The following PPFIA2 variants were observed in gnomAD, a reference collection of about 807,000 sequenced individuals.
PPFIA2 encodes the protein PPFI scaffold protein A2, also known as liprin-alpha-2.
Under a neutral mutation model 175.5 loss-of-function variants are expected in PPFIA2, and 46 were observed. The ratio of observed to expected loss-of-function variants is 0.26; its 90% CI spans 0.21 to 0.34. The LOEUF (loss-of-function observed/expected upper bound fraction) is 0.34. Among genes scored for constraint, PPFIA2 ranks in the 10% least tolerant of loss-of-function variants. The pLI is 1.00. For missense variants in PPFIA2, 1,179 were observed against 1,506.1 expected (o/e 0.78, Z 3.60); for synonymous variants, 568 against 511.4 (o/e 1.11, Z -1.49).
At chr12:81,309,952 A>T (rs1251562123) in intron 22 of PPFIA2, among the ~76,000 whole-genome samples, 1 of 152,104 alleles carries the variant, frequency 6.6e-6, no homozygotes, top group Non-Finnish European at 1.5e-5. Flanking sequence ...ATTCCTCCCC[A>T]TTAAACAATT....
intron 8 of PPFIA2, among the ~76,000 whole-genome samples, chr12:81,390,518 A>T (rs1461126535): frequency 6.6e-6 from 1 of 152,022 alleles, no homozygotes; most frequent in Non-Finnish European, 1.5e-5. Context: ...GCATTTCCTA[A>T]TAACTGATGA....
At chr12:81,586,377 T>C (rs2075312268) in intron 4 of PPFIA2, among the ~76,000 whole-genome samples, 2 of 152,060 alleles carry the variant, frequency 1.3e-5, no homozygotes, top group Admixed American at 6.6e-5. Flanking sequence ...TAGCATTGAC[T>C]CTTTTTGACT....
At chr12:81,666,251 C>T (rs2070243915) in intron 4 of PPFIA2, among the ~76,000 whole-genome samples, 1 of 152,128 alleles carries the variant, frequency 6.6e-6, no homozygotes, top group Admixed American at 6.5e-5. Flanking sequence ...CCCAGCCATC[C>T]CATTATTGGG....
chr12:81,557,069 C>T (rs2069006271), intron 4 of PPFIA2, among the ~76,000 whole-genome samples: 1 of 151,420 alleles, frequency 6.6e-6, no homozygotes, highest in South Asian at 2.1e-4. Flanking sequence ...AGACCATCAG[C>T]AGTAAAAGGA....
chr12:81,577,517 C>T (rs1190443984), intron 4 of PPFIA2, among the ~76,000 whole-genome samples: 1 of 151,846 alleles, frequency 6.6e-6, no homozygotes, highest in African/African-American at 2.4e-5. Context: ...GGAGGTTGGA[C>T]ACCTGTTGAC....
intron 4 of PPFIA2, among the ~76,000 whole-genome samples, chr12:81,560,379 G>A (rs890250445): frequency 6.6e-6 from 1 of 152,006 alleles, no homozygotes; most frequent in African/African-American, 2.4e-5. Context: ...AAAGGTGGAA[G>A]GTAATCATAT....
At chr12:81,463,640 G>A (rs1200196284) in intron 4 of PPFIA2, among the ~76,000 whole-genome samples, 4 of 152,020 alleles carry the variant, frequency 2.6e-5, no homozygotes, top group Non-Finnish European at 5.9e-5. Context: ...ATTTATATGA[G>A]CACTCACTAT....
At chr12:81,730,072 T>C (rs1049792694) in intron 3 of PPFIA2, among the ~76,000 whole-genome samples, 1 of 151,588 alleles carries the variant, frequency 6.6e-6, no homozygotes, top group African/African-American at 2.4e-5. Context: ...CCCACAGAAT[T>C]GTGAGATAAT....
At chr12:81,498,080 G>A (rs1594036367) in intron 4 of PPFIA2, among the ~76,000 whole-genome samples, 1 of 152,254 alleles carries the variant, frequency 6.6e-6, no homozygotes, top group Middle Eastern at 3.4e-3. Flanking sequence ...TTGGCATGGT[G>A]CAAGAAAGCA....
At chr12:81,630,095 C>T (rs1361612734) in intron 4 of PPFIA2, among the ~76,000 whole-genome samples, 2 of 152,124 alleles carry the variant, frequency 1.3e-5, no homozygotes, top group Non-Finnish European at 2.9e-5. Flanking sequence ...CAGGGAGACT[C>T]TTGCAGTTGG....
At chr12:81,740,600 C>T (rs760021764) in intron 3 of PPFIA2, among the ~76,000 whole-genome samples, 7 of 152,096 alleles carry the variant, frequency 4.6e-5, no homozygotes, top group Admixed American at 2.0e-4. Flanking sequence ...GTGAACTATT[C>T]AGGAAAAGTA....
chr12:81,604,542 C>T (rs1231256461), intron 4 of PPFIA2, among the ~76,000 whole-genome samples: 2 of 151,392 alleles, frequency 1.3e-5, no homozygotes, highest in Non-Finnish European at 3.0e-5. Flanking sequence ...TGTGAAGAAA[C>T]TTCATTCTTA....
intron 8 of PPFIA2, among the ~76,000 whole-genome samples, chr12:81,401,243 G>T (rs777875859): frequency 2.2e-4 from 33 of 151,946 alleles, no homozygotes; most frequent in South Asian, 1.2e-3. Flanking sequence ...ATATTTATTT[G>T]ATTGAAAACA....
chr12:81,405,937 A>G (rs1166277047), intron 7 of PPFIA2, 34 bp from the exon 8 acceptor site: 2 of 1,207,654 alleles, frequency 1.7e-6, no homozygotes, highest in African/African-American at 3.1e-5. Context: ...TTTAAAGTCT[A>G]AATAGGGAAT....
intron 3 of PPFIA2, 54 bp from the exon 4 acceptor site, chr12:81,676,898 C>G: frequency 2.4e-6 from 3 of 1,242,510 alleles, no homozygotes. Flanking sequence ...CATGAAGAAT[C>G]CCCCAGTCCC....
chr12:81,450,825 G>C (rs951454253), intron 5 of PPFIA2, among the ~76,000 whole-genome samples: 1 of 152,142 alleles, frequency 6.6e-6, no homozygotes, highest in Non-Finnish European at 1.5e-5. Context: ...TAAGGTGTAA[G>C]GAAGGGATCC....
intron 7 of PPFIA2, among the ~76,000 whole-genome samples, chr12:81,410,459 G>A (rs1272564975): frequency 6.6e-6 from 1 of 151,920 alleles, no homozygotes; most frequent in East Asian, 1.9e-4. Context: ...ACGTCTCCCT[G>A]GACAGATTCA....
chr12:81,259,289 T>G lies in PPFIA2; in HGVS notation c.*405A>C, dbSNP rs2034599207. ...GACTCCATGAACCATATATTTTATT[T>G]TTTAAAAAATCATATTTATATCCAT... On this transcript the variant is annotated 3_prime_UTR_variant, in exon 33 of 33. Transcript: ENST00000549396. 1 of 366,738 alleles carries G rather than the reference T, an allele frequency of 2.7e-6. No homozygotes were observed. The highest frequency in any genetic ancestry group is 2.1e-5 in the African/African-American group (1 of 46,742). The allele number at this position is 366,738 out of a possible 1,614,324, so 22.7% of individuals were successfully genotyped here.
intron 23 of PPFIA2, among the ~76,000 whole-genome samples, chr12:81,299,001 G>A (rs1822663922): frequency 6.6e-6 from 1 of 152,130 alleles, no homozygotes; most frequent in Admixed American, 6.5e-5. Context: ...CTGGCCTAAT[G>A]GATGGGAATG....
Sources: gnomAD v4.1 joint callset for allele counts (sites outside exome capture counted in the v4.1 genomes callset) on GRCh38, gnomAD v4.1.1 for gene constraint, MANE v1.5 for transcripts, NCBI Gene and HGNC (gene_info 2026-07-23, HGNC 2026-07-21) for gene names.